ZNF521: variants seen among roughly 807,000 people sequenced by gnomAD.
ZNF521 encodes the protein LYST-interacting protein 3.
A neutral mutation model predicts 105.5 loss-of-function variants in ZNF521; 14 were observed. That is an observed-to-expected ratio of 0.13 (90% CI 0.09 to 0.21). The LOEUF (loss-of-function observed/expected upper bound fraction) is 0.21, where lower values mean the gene tolerates loss of function less well. Ranked by LOEUF, ZNF521 falls within the 10% of genes least tolerant of loss-of-function variation. The pLI is 1.00. For missense variants in ZNF521, 1,233 were observed against 1,629.7 expected, an observed-to-expected ratio of 0.76 and a Z score of 4.19; for synonymous variants, 635 against 606.0, an observed-to-expected ratio of 1.05 and a Z score of -0.70.
At chr18:25,317,003 C>T (rs774896769) in intron 3 of ZNF521, among the ~76,000 whole-genome samples, 190 of 152,118 alleles carry the variant, frequency 1.2e-3, no homozygotes, top group Non-Finnish European at 1.7e-3. Context: ...TACAGGCGTG[C>T]GCCACTATGC....
intron 5 of ZNF521, among the ~76,000 whole-genome samples, chr18:25,176,971 GC>G (rs1221951319): frequency 6.6e-6 from 1 of 152,182 alleles, no homozygotes; most frequent in Non-Finnish European, 1.5e-5. Context: ...GCACTTACCA[GC>G]CCCCTTCTCC....
chr18:25,327,968 TC>T (rs748158681), intron 2 of ZNF521, among the ~76,000 whole-genome samples: 1 of 152,170 alleles, frequency 6.6e-6, no homozygotes, highest in Non-Finnish European at 1.5e-5. Context: ...ATGATGGGCA[TC>T]CCAGGCAGAC....
intron 3 of ZNF521, among the ~76,000 whole-genome samples, chr18:25,232,205 T>C (rs1906580928): frequency 6.6e-6 from 1 of 152,234 alleles, no homozygotes; most frequent in Admixed American, 6.5e-5. Flanking sequence ...GCTTCATAAC[T>C]GACTTAGAGA....
At chr18:25,336,081 C>T (rs929484793) in intron 2 of ZNF521, among the ~76,000 whole-genome samples, 3 of 152,156 alleles carry the variant, frequency 2.0e-5, no homozygotes, top group African/African-American at 7.2e-5. Flanking sequence ...AAAATAAGGT[C>T]TCAAATAAAA....
intron 3 of ZNF521, among the ~76,000 whole-genome samples, chr18:25,295,377 G>T (rs761920001): frequency 6.6e-6 from 1 of 152,148 alleles, no homozygotes; most frequent in Non-Finnish European, 1.5e-5. Flanking sequence ...ATGTTAGAAA[G>T]AATGCTTTAC....
chr18:25,080,163 G>A (rs944821856), intron 7 of ZNF521, among the ~76,000 whole-genome samples: 3 of 152,098 alleles, frequency 2.0e-5, no homozygotes, highest in African/African-American at 7.2e-5. Context: ...CCCTCCTATG[G>A]GAAAGCAGTT....
intron 3 of ZNF521, among the ~76,000 whole-genome samples, chr18:25,235,157 G>A (rs1600191420): frequency 2.0e-5 from 3 of 152,140 alleles, no homozygotes; most frequent in Admixed American, 6.5e-5. Flanking sequence ...CAAAGTCCAG[G>A]AGCCACATTC....
At chr18:25,111,027 T>C (rs1567965789) in intron 5 of ZNF521, among the ~76,000 whole-genome samples, 1 of 151,926 alleles carries the variant, frequency 6.6e-6, no homozygotes, top group Non-Finnish European at 1.5e-5. Context: ...CCTCCCGAAG[T>C]GCTGGAATTA....
intron 3 of ZNF521, among the ~76,000 whole-genome samples, chr18:25,315,030 T>C (rs1294380139): frequency 6.6e-6 from 1 of 152,220 alleles, no homozygotes. Flanking sequence ...GAGACCCCTC[T>C]GGCTTCCAGC....
At position 25,322,075 on chromosome 18, in the gene ZNF521, G is replaced by C; in HGVS notation, c.153C>G (p.Ser51Arg). The C allele has an allele frequency of 6.2e-7, 1 of 1,614,174 alleles. No homozygotes were observed. Among genetic ancestry groups the C allele is most frequent in the Non-Finnish European group, 8.5e-7 (1 of 1,180,012 alleles). The change falls in exon 3 of 8, where the codon AGC becomes AGG. Residue 51 changes from serine (S) to arginine (R), a missense_variant. Ser to Arg is a moderately radical substitution (Grantham distance 110). Around this residue, in one of 6 missense-constraint regions of ZNF521, gnomAD observed 76 missense variants for 79.3 expected, o/e 0.96. Coordinates refer to ENST00000361524, the MANE Select transcript of ZNF521 (RefSeq NM_015461.3). ...LEDEAVHSCD[S>R]CLQVFESLSD... Reference sequence around the variant, plus strand: ...TCAGCGATTCAAACACCTGGAGGCAGCTGTCACAGCTGTGCACAGCTTCGT... The same window carrying C: ...TCAGCGATTCAAACACCTGGAGGCACCTGTCACAGCTGTGCACAGCTTCGT...
At chr18:25,089,735 T>C (rs555489653) in intron 6 of ZNF521, among the ~76,000 whole-genome samples, 155 bp from the exon 7 acceptor site, 1 of 152,182 alleles carries the variant, frequency 6.6e-6, no homozygotes, top group African/African-American at 2.4e-5. Flanking sequence ...CATTTGCTCA[T>C]GGTTGGGTCT....
intron 5 of ZNF521, among the ~76,000 whole-genome samples, chr18:25,131,288 G>A (rs1355782710): frequency 6.6e-6 from 1 of 152,126 alleles, no homozygotes; most frequent in African/African-American, 2.4e-5. Context: ...GGCATACAAG[G>A]TTCTTGATGG....
At chr18:25,284,909 C>T (rs538850084) in intron 3 of ZNF521, among the ~76,000 whole-genome samples, 2 of 148,888 alleles carry the variant, frequency 1.3e-5, no homozygotes, top group South Asian at 2.1e-4. Context: ...CGTGCGCGCG[C>T]GCACACACAC....
chr18:25,141,594 A>G (rs1172225521), intron 5 of ZNF521, among the ~76,000 whole-genome samples: 1 of 152,160 alleles, frequency 6.6e-6, no homozygotes, highest in Non-Finnish European at 1.5e-5. Context: ...GCCTGTGTGT[A>G]CTTTTACTTC....
intron 4 of ZNF521, among the ~76,000 whole-genome samples, chr18:25,223,048 T>C (rs925710408): frequency 1.3e-5 from 2 of 152,200 alleles, no homozygotes; most frequent in Non-Finnish European, 2.9e-5. Context: ...AACTTTTCTA[T>C]AGGTTTAAAA....
At chr18:25,251,401 C>T (rs1303658755) in intron 3 of ZNF521, among the ~76,000 whole-genome samples, 4 of 152,252 alleles carry the variant, frequency 2.6e-5, no homozygotes, top group South Asian at 2.1e-4. Context: ...ATTAGAATTG[C>T]CCATTCCAAG....
chr18:25,286,655 T>C (rs1245772893), intron 3 of ZNF521, among the ~76,000 whole-genome samples: 1 of 152,208 alleles, frequency 6.6e-6, no homozygotes, highest in Non-Finnish European at 1.5e-5. Context: ...ATAATCTCTA[T>C]TTTTTCATTT....
chr18:25,203,309 T>C lies in ZNF521; in HGVS notation c.3574-8065A>G, dbSNP rs535193337. 4.6e-5 allele frequency among the ~76,000 whole-genome samples: 7 copies of C among 152,186 alleles called. No homozygotes were observed. In the East Asian group the frequency reaches 1.2e-3, roughly 25 times the overall value. ...GATCTGAGGTCTAAAATGGGAATAA[T>C]TTTCTTGAGTTTGAAACTGTTACAA... On this transcript the variant is annotated intron_variant, in intron 4 of 7. Coordinates refer to ENST00000361524, the MANE Select transcript of ZNF521 (RefSeq NM_015461.3).
At chr18:25,107,732 A>G (rs1440188290) in intron 5 of ZNF521, among the ~76,000 whole-genome samples, 3 of 152,190 alleles carry the variant, frequency 2.0e-5, no homozygotes, top group Non-Finnish European at 4.4e-5. Flanking sequence ...ACTCTTTCCT[A>G]AAACTGATCT....
Sources: allele counts gnomAD v4.1 joint callset (sites outside exome capture counted in the v4.1 genomes callset), GRCh38; gene constraint gnomAD v4.1.1; regional missense constraint gnomAD v4.1.1; transcripts MANE v1.5; gene names NCBI Gene and HGNC (gene_info 2026-07-23, HGNC 2026-07-21).